Variants in MARCO observed in about 807,000 individuals in gnomAD.
MARCO encodes the protein macrophage receptor with collagenous structure.
A neutral mutation model predicts 70.0 loss-of-function variants in MARCO; 72 were observed. That is an observed-to-expected ratio of 1.03 (90% CI 0.85 to 1.25). The LOEUF (loss-of-function observed/expected upper bound fraction) is 1.25, where lower values mean the gene tolerates loss of function less well. MARCO is among the 50% of genes most tolerant of loss of function. The pLI is 0.00. For synonymous variants in MARCO, 273 were observed against 243.1 expected (o/e 1.12, Z -1.14); for missense variants, 696 against 659.3 (o/e 1.06, Z -0.61).
Position 118,963,263 on chromosome 2 carries a change from T to A in MARCO, c.98-5897T>A, listed in dbSNP as rs193034822. ...TTTTCTTTTCAGAGCTGCTTTTTTT[T>A]ATCCCATAAATTTTAATATATTGTA... On this transcript the variant is annotated intron_variant, in intron 1 of 16. Transcript: ENST00000327097. Among the ~76,000 whole-genome samples the A allele has an allele frequency of 5.3e-4, 80 of 151,934 alleles. No homozygotes were observed. The East Asian group carries it at 0.011, about 22-fold the overall frequency.
intron 16 of MARCO, 85 bp downstream of exon 16, chr2:118,993,385 A>G: frequency 7.2e-7 from 1 of 1,380,118 alleles, no homozygotes; most frequent in African/African-American, 1.4e-5. Context: ...CAAGTGACTC[A>G]GTGTGGTTTT....
Position 118,974,394 on chromosome 2 carries a change from T to G in MARCO, c.522T>G (p.Pro174=). 2 of 1,612,506 alleles carry G rather than the reference T, an allele frequency of 1.2e-6. No individual in the cohort carries two copies. Among genetic ancestry groups the G allele is most frequent in the Non-Finnish European group, 1.7e-6 (2 of 1,179,476 alleles). ...MPGAPGPPGP[P]AEKGAKGAMG... The stretch of plus-strand genomic sequence containing the variant: ...GTGCCCCTGGCCCGCCGGGACCACC[T>G]GCTGAGAAGGGAGCCAAGGGGGCTA... The change falls in exon 5 of 17, where the codon CCT becomes CCG. Residue 174 remains proline, a synonymous_variant. Coordinates refer to ENST00000327097, the MANE Select transcript of MARCO (RefSeq NM_006770.4).
chr2:118,978,524 C>G (rs894382499), intron 8 of MARCO, among the ~76,000 whole-genome samples: 7 of 152,228 alleles, frequency 4.6e-5, no homozygotes, highest in Admixed American at 2.6e-4. Context: ...CTCTCCGCCT[C>G]TCAGCCTCCT....
intron 4 of MARCO, among the ~76,000 whole-genome samples, chr2:118,972,118 G>A (rs1280539861): frequency 2.0e-5 from 3 of 152,132 alleles, no homozygotes; most frequent in Non-Finnish European, 2.9e-5. Context: ...GGAGATAATC[G>A]ACTCGCCTCA....
intron 12 of MARCO, among the ~76,000 whole-genome samples, chr2:118,983,416 GC>G (rs1680430990): frequency 6.6e-6 from 1 of 152,176 alleles, no homozygotes; most frequent in African/African-American, 2.4e-5. Flanking sequence ...CTGGGCTTGA[GC>G]TTTTGTGTTT....
intron 12 of MARCO, among the ~76,000 whole-genome samples, chr2:118,987,546 G>T (rs921558766): frequency 2.0e-5 from 3 of 152,174 alleles, no homozygotes; most frequent in Admixed American, 6.6e-5. Context: ...TGTGGGTCTG[G>T]GAGGATTCAG....
intron 1 of MARCO, among the ~76,000 whole-genome samples, chr2:118,955,060 AAT>A (rs1418257521): frequency 1.3e-5 from 2 of 152,006 alleles, no homozygotes; most frequent in African/African-American, 4.8e-5. Flanking sequence ...AAAAAAAAAA[AAT>A]CACACTAGTT....
chr2:118,950,794 T>TC (rs67047974), intron 1 of MARCO, among the ~76,000 whole-genome samples: 5 of 151,734 alleles, frequency 3.3e-5, no homozygotes, highest in African/African-American at 1.2e-4. Context: ...AATTCTCCCC[T>TC]CCCCCCTTTT....
Position 118,982,348 on chromosome 2 carries a change from G to T in MARCO, c.1001G>T (p.Gly334Val), listed in dbSNP as rs1375733676. ...GCTCTCTGTGGTGTCTGTTGTCCAGGACTTCCAGGGAGCCCCGGGAGTCCA... is the reference window on the plus strand; with the variant it reads ...GCTCTCTGTGGTGTCTGTTGTCCAGTACTTCCAGGGAGCCCCGGGAGTCCA... ...PGSAGSPGRA[G>V]LPGSPGSPGA... Residue 334 changes from glycine (G) to valine (V), a missense_variant and splice_region_variant, in exon 12 of 17, where the codon GGA becomes GTA. This residue lies in a region of MARCO where 605 missense variants were observed against 537.6 expected (regional missense o/e 1.13). Coordinates refer to ENST00000327097, the MANE Select transcript of MARCO (RefSeq NM_006770.4). The T allele has an allele frequency of 2.5e-6, 4 of 1,613,946 alleles. No homozygotes were observed. Among genetic ancestry groups the T allele is most frequent in the Non-Finnish European group, 3.4e-6 (4 of 1,179,896 alleles).
chr2:118,942,367 C>G lies in MARCO; in HGVS notation c.67C>G (p.Gln23Glu). 23 of 1,613,622 alleles carry G rather than the reference C, an allele frequency of 1.4e-5. No homozygotes were observed. The highest frequency in any genetic ancestry group is 1.9e-5 in the Non-Finnish European group (23 of 1,179,640). Reference sequence around the variant, plus strand: ...TGAGACCCAACAAGCTGCTTTTCACCAAATTGCAATGGAGCCTTTCGAAAT... The same window carrying G: ...TGAGACCCAACAAGCTGCTTTTCACGAAATTGCAATGGAGCCTTTCGAAAT... The part of the protein sequence containing the change: ...LSETQQAAFH[Q>E]IAMEPFEINV... Residue 23 changes from glutamine (Q) to glutamate (E), a missense_variant, in exon 1 of 17, where the codon CAA (glutamine) becomes GAA (glutamate). Around this residue, in one of 3 missense-constraint regions of MARCO, gnomAD observed 605 missense variants for 537.6 expected, o/e 1.13. Coordinates refer to ENST00000327097, the MANE Select transcript of MARCO (RefSeq NM_006770.4).
At chr2:118,986,738 G>GAAAAGAA (rs1558672088) in intron 12 of MARCO, among the ~76,000 whole-genome samples, 6 of 140,712 alleles carry the variant, frequency 4.3e-5, no homozygotes, top group East Asian at 2.0e-4. Context: ...AAGAAAGAAA[G>GAAAAGAA]AGAAAGAAAG....
chr2:118,951,891 C>A (rs1254843531), intron 1 of MARCO, among the ~76,000 whole-genome samples: 3 of 151,900 alleles, frequency 2.0e-5, no homozygotes, highest in Admixed American at 6.6e-5. Flanking sequence ...CTCTCTCTCT[C>A]TTTCTTCCTC....
At chr2:118,978,832 C>CTAGTAA (rs1202089664) in intron 8 of MARCO, among the ~76,000 whole-genome samples, 1 of 151,950 alleles carries the variant, frequency 6.6e-6, no homozygotes, top group Non-Finnish European at 1.5e-5. Flanking sequence ...TATGTGATAG[C>CTAGTAA]TAGTAATAGT....
intron 2 of MARCO, among the ~76,000 whole-genome samples, chr2:118,969,539 G>A (rs547132022): frequency 1.1e-4 from 16 of 152,320 alleles, no homozygotes; most frequent in African/African-American, 3.1e-4. Flanking sequence ...AATTTCACAC[G>A]GGGGATGACA....
chr2:118,945,633 C>G (rs776274023), intron 1 of MARCO, among the ~76,000 whole-genome samples: 1 of 151,592 alleles, frequency 6.6e-6, no homozygotes, highest in Admixed American at 6.6e-5. Flanking sequence ...AGCTGGTGTC[C>G]AACTCCTGAC....
chr2:118,971,364 C>T, intron 3 of MARCO, 135 bp from the exon 4 acceptor site: 1 of 860,424 alleles, frequency 1.2e-6, no homozygotes, highest in Non-Finnish European at 1.9e-6. Context: ...TCCTGTTGTC[C>T]AAACCCCCAC....
intron 12 of MARCO, among the ~76,000 whole-genome samples, chr2:118,983,560 G>T (rs932284430): frequency 6.6e-6 from 1 of 152,184 alleles, no homozygotes; most frequent in Non-Finnish European, 1.5e-5. Context: ...CTGATCCCAT[G>T]TGGATGCCAC....
In MARCO at chr2:118,991,518, A is replaced by G. The variant is rs572543745; in HGVS notation, c.1109-259A>G. On this transcript the variant is annotated intron_variant, in intron 13 of 16. Coordinates refer to ENST00000327097, the MANE Select transcript of MARCO (RefSeq NM_006770.4). ...GCATGGCTAGAACTTCCACATAACT[A>G]TGTAATTCCAGAAGGACCAAGAATC... is the stretch of plus-strand genomic sequence containing the variant. Among the ~76,000 whole-genome samples the G allele has an allele frequency of 3.9e-5, 6 of 152,296 alleles. No homozygotes were observed. The South Asian group carries it at 1.2e-3, about 32-fold the overall frequency.
intron 1 of MARCO, among the ~76,000 whole-genome samples, chr2:118,958,094 A>T (rs1679872023): frequency 6.6e-6 from 1 of 152,096 alleles, no homozygotes. Flanking sequence ...CGGGAACAAG[A>T]TAAGGATGCT....
Sources: allele counts gnomAD v4.1 joint callset (sites outside exome capture counted in the v4.1 genomes callset), GRCh38; gene constraint gnomAD v4.1.1; regional missense constraint gnomAD v4.1.1; transcripts MANE v1.5; gene names NCBI Gene and HGNC (gene_info 2026-07-23, HGNC 2026-07-21).